Variants in STPG2 observed in about 807,000 individuals in gnomAD.
The protein encoded by STPG2 is sperm-tail PG-rich repeat-containing protein 2.
A neutral mutation model predicts 54.2 loss-of-function variants in STPG2; 56 were observed. The observed-to-expected ratio is 1.03, with a 90% CI of 0.83 to 1.29. The LOEUF (loss-of-function observed/expected upper bound fraction) is 1.29. Among genes scored for constraint, STPG2 ranks in the 50% most tolerant of loss-of-function variants. The pLI, the probability that STPG2 is intolerant of heterozygous loss-of-function variation, is 0.00. For missense variants in STPG2, 596 were observed against 544.9 expected, an observed-to-expected ratio of 1.09 and a Z score of -0.93; for synonymous variants, 200 against 181.8, an observed-to-expected ratio of 1.10 and a Z score of -0.81.
chr4:97,927,088 A>C (rs1017479430), intron 8 of STPG2, among the ~76,000 whole-genome samples: 1 of 152,150 alleles, frequency 6.6e-6, no homozygotes, highest in Non-Finnish European at 1.5e-5. Context: ...TATTTTTCTA[A>C]TTCCAAAGCT....
intron 8 of STPG2, among the ~76,000 whole-genome samples, chr4:97,920,711 CAT>C (rs1213286444): frequency 3.9e-5 from 6 of 151,976 alleles, no homozygotes; most frequent in Non-Finnish European, 8.8e-5. Flanking sequence ...GTAAAGGAAA[CAT>C]AGACAGGACC....
chr4:97,598,231 C>T (rs995175648), intron 10 of STPG2, among the ~76,000 whole-genome samples: 1 of 151,872 alleles, frequency 6.6e-6, no homozygotes, highest in Non-Finnish European at 1.5e-5. Flanking sequence ...TAAAAGAAAT[C>T]AGAGATGAAA....
chr4:97,997,877 C>T (rs555527944), intron 5 of STPG2, among the ~76,000 whole-genome samples: 2 of 152,156 alleles, frequency 1.3e-5, no homozygotes, highest in South Asian at 2.1e-4. Flanking sequence ...CCCTGTGAAA[C>T]GCAATTTACC....
chr4:97,487,536 C>T (rs537026948), intron 4 of STPG2, among the ~76,000 whole-genome samples: 1 of 151,348 alleles, frequency 6.6e-6, no homozygotes, highest in East Asian at 2.0e-4. Context: ...TCCAACACAC[C>T]ATTTTTTTTA....
At chr4:97,849,673 C>G (rs1333415764) in intron 8 of STPG2, among the ~76,000 whole-genome samples, 1 of 152,060 alleles carries the variant, frequency 6.6e-6, no homozygotes, top group Non-Finnish European at 1.5e-5. Context: ...TGAAAAAATG[C>G]TCATCATCAC....
intron 4 of STPG2, among the ~76,000 whole-genome samples, chr4:97,475,890 G>A (rs1730057700): frequency 6.6e-6 from 1 of 151,960 alleles, no homozygotes; most frequent in Non-Finnish European, 1.5e-5. Context: ...ACCACCATCA[G>A]GCTCATTCCT....
chr4:97,863,708 T>A (rs1314190809), intron 8 of STPG2, among the ~76,000 whole-genome samples: 1 of 152,154 alleles, frequency 6.6e-6, no homozygotes, highest in East Asian at 1.9e-4. Context: ...AATAAAATAC[T>A]GGTAAACCAA....
At chr4:98,102,845 C>T (rs1462246841) in intron 5 of STPG2, among the ~76,000 whole-genome samples, 3 of 147,964 alleles carry the variant, frequency 2.0e-5, no homozygotes, top group Non-Finnish European at 4.5e-5. Context: ...TATAACAATA[C>T]AACATAATGT....
At chr4:98,019,046 G>T (rs532327863) in intron 5 of STPG2, among the ~76,000 whole-genome samples, 3 of 151,814 alleles carry the variant, frequency 2.0e-5, no homozygotes, top group African/African-American at 7.3e-5. Flanking sequence ...GTCAATTTTG[G>T]CTTTTGTTGC....
At position 97,913,024 on chromosome 4, in the gene STPG2, C is replaced by T. The variant is rs187841800; in HGVS notation, c.1044+30873G>A. Among the ~76,000 whole-genome samples the T allele has an allele frequency of 1.5e-3, 235 of 152,266 alleles. No individual in the cohort carries two copies. The Middle Eastern group carries it at 0.021, about 13-fold the overall frequency. ...AAGTTCTTTTAGCAGAACAAATTTA[C>T]GCTGATGTCTATCTTCCAAGAATGC... On this transcript the variant is annotated intron_variant, in intron 8 of 10. Transcript: ENST00000295268.
chr4:98,026,095 T>C lies in STPG2; in HGVS notation c.613-44777A>G, dbSNP rs192387983. 66 of 1,395,142 alleles carry C rather than the reference T, an allele frequency of 4.7e-5. No individual in the cohort carries two copies. In the Admixed American group the frequency reaches 1.0e-3, roughly 21 times the overall value. 86.4% of individuals were successfully genotyped at this position (1,395,142 alleles called of 1,614,324 possible). On this transcript the variant is annotated intron_variant, in intron 5 of 10. Coordinates refer to ENST00000295268, the MANE Select transcript of STPG2 (RefSeq NM_174952.3). The stretch of plus-strand genomic sequence containing the variant: ...TAACTCCAGACATGATGGAGATGTA[T>C]AGGAAAGCTCATGCTGCTATACGAG...
chr4:97,777,085 T>C (rs1726400516), intron 9 of STPG2, among the ~76,000 whole-genome samples: 1 of 152,194 alleles, frequency 6.6e-6, no homozygotes, highest in Non-Finnish European at 1.5e-5. Flanking sequence ...TGATGATTAA[T>C]CACTATTATA....
chr4:97,578,104 T>TTC (rs1491212572), intron 10 of STPG2, among the ~76,000 whole-genome samples: 2 of 5,046 alleles, frequency 4.0e-4, no homozygotes, highest in Non-Finnish European at 6.9e-4. Context: ...CTTTCTTTCT[T>TTC]TTTTTTTTTT....
In STPG2 at chr4:97,924,132, G is replaced by A. The variant is rs1257945554; in HGVS notation, c.1044+19765C>T. Among the ~76,000 whole-genome samples the A allele has an allele frequency of 2.0e-5, 3 of 152,128 alleles. No individual in the cohort carries two copies. In the East Asian group the frequency reaches 5.8e-4, roughly 29 times the overall value. On this transcript the variant is annotated intron_variant, in intron 8 of 10. Transcript: ENST00000295268. Reference sequence around the variant, plus strand: ...CGAAGGTCTGCAGCTTCACTCCTGAGGTCAGCGAGACCACGAACCCACCAG... The same window carrying A: ...CGAAGGTCTGCAGCTTCACTCCTGAAGTCAGCGAGACCACGAACCCACCAG...
chr4:97,543,838 G>C (rs1241586763), intron 4 of STPG2, among the ~76,000 whole-genome samples: 1 of 151,938 alleles, frequency 6.6e-6, no homozygotes, highest in Non-Finnish European at 1.5e-5. Flanking sequence ...GAATCACCTG[G>C]GGAACTTATT....
At chr4:97,582,022 A>G (rs1732874675) in intron 10 of STPG2, among the ~76,000 whole-genome samples, 2 of 151,868 alleles carry the variant, frequency 1.3e-5, no homozygotes, top group African/African-American at 4.8e-5. Context: ...TTATTTTATA[A>G]CTATTTTAAA....
intron 10 of STPG2, among the ~76,000 whole-genome samples, chr4:97,612,782 C>G (rs988400883): frequency 6.6e-6 from 1 of 151,668 alleles, no homozygotes; most frequent in Non-Finnish European, 1.5e-5. Context: ...TGCAAATATA[C>G]TTAACTACAC....
chr4:98,060,834 A>G (rs1737628660), intron 5 of STPG2, among the ~76,000 whole-genome samples: 1 of 152,188 alleles, frequency 6.6e-6, no homozygotes, highest in African/African-American at 2.4e-5. Context: ...CCCCTTTTCA[A>G]TTAATGGTAC....
At chr4:97,799,219 T>C (rs572200962) in intron 9 of STPG2, among the ~76,000 whole-genome samples, 118 of 151,616 alleles carry the variant, frequency 7.8e-4, no homozygotes, top group African/African-American at 2.7e-3. Flanking sequence ...AATTTGATCC[T>C]GTCATTCTGA....
Sources: gnomAD v4.1 joint callset for allele counts (sites outside exome capture counted in the v4.1 genomes callset) on GRCh38, gnomAD v4.1.1 for gene constraint, MANE v1.5 for transcripts, NCBI Gene and HGNC (gene_info 2026-07-23, HGNC 2026-07-21) for gene names.